INPP4B: variants seen among roughly 807,000 people sequenced by gnomAD.
INPP4B encodes inositol polyphosphate 4-phosphatase type II.
A neutral mutation model predicts 122.5 loss-of-function variants in INPP4B; 55 were observed. The ratio of observed to expected loss-of-function variants is 0.45; its 90% CI spans 0.36 to 0.56. INPP4B has a LOEUF of 0.56. Ranked by LOEUF, INPP4B falls within the 20% of genes least tolerant of loss-of-function variation. The pLI is 0.00. For synonymous variants in INPP4B, 403 were observed against 388.7 expected (o/e 1.04, Z -0.43); for missense variants, 1,000 against 1,097.7 (o/e 0.91, Z 1.26).
chr4:142,614,215 C>A lies in INPP4B; in HGVS notation c.-191+111624G>T, dbSNP rs569521800. Reference sequence around the variant, plus strand: ...CCAACATGGGTGACAGAGCAAGACTCTGTCTCAAAACAAACAAACAAACAA... The same window carrying A: ...CCAACATGGGTGACAGAGCAAGACTATGTCTCAAAACAAACAAACAAACAA... On this transcript the variant is annotated intron_variant, in intron 2 of 25. Coordinates refer to ENST00000262992, the MANE Select transcript of INPP4B (RefSeq NM_001101669.3). Among the ~76,000 whole-genome samples the A allele has an allele frequency of 1.3e-4, 20 of 152,196 alleles. No individual in the cohort carries two copies. The South Asian group carries it at 3.9e-3, about 30-fold the overall frequency.
chr4:142,293,306 C>T (rs1020823895), intron 9 of INPP4B, among the ~76,000 whole-genome samples: 1 of 152,074 alleles, frequency 6.6e-6, no homozygotes, highest in Non-Finnish European at 1.5e-5. Flanking sequence ...TCCCAAAGTG[C>T]TTGGATTACA....
At chr4:142,230,513 C>T (rs1053877530) in intron 12 of INPP4B, among the ~76,000 whole-genome samples, 23 of 151,676 alleles carry the variant, frequency 1.5e-4, no homozygotes, top group Middle Eastern at 3.2e-3. Flanking sequence ...CACGTGGTGG[C>T]GCTTGCCTGT....
chr4:142,211,410 A>G lies in INPP4B; in HGVS notation c.837-2384T>C, dbSNP rs1844828099. Among the ~76,000 whole-genome samples, 6 of 152,290 alleles carry G rather than the reference A, an allele frequency of 3.9e-5. No individual in the cohort carries two copies. In the South Asian group the frequency reaches 8.3e-4, roughly 21 times the overall value. ...ATTCATAATGACATTTTCATTTGTC[A>G]CTCAATGGTCAAAAAACCTCCTAGA... On this transcript the variant is annotated intron_variant, in intron 12 of 25. Transcript: ENST00000262992.
intron 2 of INPP4B, among the ~76,000 whole-genome samples, chr4:142,548,677 A>G (rs989377045): frequency 1.3e-5 from 2 of 152,100 alleles, no homozygotes; most frequent in African/African-American, 4.8e-5. Flanking sequence ...GTGAGTCATT[A>G]AAGATGACAT....
At chr4:142,460,297 T>A (rs1405728463) in intron 3 of INPP4B, among the ~76,000 whole-genome samples, 1 of 152,204 alleles carries the variant, frequency 6.6e-6, no homozygotes, top group African/African-American at 2.4e-5. Flanking sequence ...ATTGCTTTTA[T>A]TCTGAGAAAA....
intron 1 of INPP4B, among the ~76,000 whole-genome samples, chr4:142,761,201 T>C (rs1771293727): frequency 6.6e-6 from 1 of 151,120 alleles, no homozygotes; most frequent in African/African-American, 2.4e-5. Flanking sequence ...TGCTAAAAAA[T>C]ATCCACACCT....
chr4:142,312,153 G>A (rs891558381), intron 8 of INPP4B, among the ~76,000 whole-genome samples: 4 of 152,152 alleles, frequency 2.6e-5, no homozygotes, highest in Non-Finnish European at 5.9e-5. Context: ...AAGACGCAAT[G>A]TAATAAATGT....
At chr4:142,811,927 T>C (rs190787370) in intron 1 of INPP4B, among the ~76,000 whole-genome samples, 1 of 152,274 alleles carries the variant, frequency 6.6e-6, no homozygotes, top group East Asian at 1.9e-4. Context: ...AATAAATATA[T>C]ACTCAACTAC....
At chr4:142,723,736 C>T (rs982474306) in intron 2 of INPP4B, among the ~76,000 whole-genome samples, 1 of 152,024 alleles carries the variant, frequency 6.6e-6, no homozygotes, top group African/African-American at 2.4e-5. Flanking sequence ...AAAATAACAC[C>T]TTCACTAGTA....
chr4:142,625,486 C>T (rs1046496428), intron 2 of INPP4B, among the ~76,000 whole-genome samples: 3 of 152,134 alleles, frequency 2.0e-5, no homozygotes, highest in East Asian at 1.9e-4. Context: ...TAAAAGAGGA[C>T]ACAAACAAAT....
intron 25 of INPP4B, among the ~76,000 whole-genome samples, chr4:142,039,169 T>C (rs1437553716): frequency 1.3e-5 from 2 of 152,160 alleles, no homozygotes; most frequent in African/African-American, 4.8e-5. Flanking sequence ...ACTCCAGAGA[T>C]GCATATTTTT....
intron 2 of INPP4B, among the ~76,000 whole-genome samples, chr4:142,673,416 CAAA>C (rs35627855): frequency 7.7e-6 from 1 of 130,064 alleles, no homozygotes. Flanking sequence ...AACCAGGAGA[CAAA>C]AAAAAAAAAA....
rs1325254596 is a variant in INPP4B at position 142,202,834 on chromosome 4, G to A, written c.1072+5591C>T. The A allele has an allele frequency of 5.4e-6, 5 of 927,810 alleles. No individual in the cohort carries two copies. The African/African-American group carries it at 8.9e-5, about 17-fold the overall frequency. The allele number at this position is 927,810 out of a possible 1,614,324, so 57.5% of individuals were successfully genotyped here. The stretch of plus-strand genomic sequence containing the variant: ...TGCTTGACAGGTGTGTTTCACTCAT[G>A]CAAACTAAGGGCAAGCCCATTCATT... On this transcript the variant is annotated intron_variant, in intron 14 of 25. Transcript: ENST00000262992.
At chr4:142,360,720 A>C (rs1497397) in intron 7 of INPP4B, among the ~76,000 whole-genome samples, 46,010 of 151,778 alleles carry the variant, frequency 0.3, 8,445 homozygotes, top group South Asian at 0.45. Context: ...ATAATAGTCA[A>C]GATGATGGTT....
At chr4:142,207,045 T>G (rs907530652) in intron 14 of INPP4B, among the ~76,000 whole-genome samples, 1 of 152,166 alleles carries the variant, frequency 6.6e-6, no homozygotes, top group Non-Finnish European at 1.5e-5. Context: ...AGTAATATTA[T>G]GTAGTATTTG....
rs115623258 is a variant in INPP4B at position 142,357,180 on chromosome 4, C to T, written c.373-42418G>A. ...CTGTGAACCACTTTAGGAAATTATCCAACACTAGAAGGGGATGGCGGGAAT... is the reference window on the plus strand; with the variant it reads ...CTGTGAACCACTTTAGGAAATTATCTAACACTAGAAGGGGATGGCGGGAAT... On this transcript the variant is annotated intron_variant, in intron 7 of 25. Coordinates refer to ENST00000262992, the MANE Select transcript of INPP4B (RefSeq NM_001101669.3). Among the ~76,000 whole-genome samples the T allele has an allele frequency of 9.8e-3, 1,491 of 151,980 alleles. 22 individuals are homozygous for T. The highest frequency in any genetic ancestry group is 0.034 in the African/African-American group (1,431 of 41,500).
At chr4:142,803,383 A>G (rs1276120777) in intron 1 of INPP4B, among the ~76,000 whole-genome samples, 1 of 151,836 alleles carries the variant, frequency 6.6e-6, no homozygotes, top group African/African-American at 2.4e-5. Flanking sequence ...TTTTTTATTG[A>G]CATGAAAAGT....
intron 14 of INPP4B, among the ~76,000 whole-genome samples, chr4:142,201,832 T>C (rs1274239702): frequency 6.6e-6 from 1 of 152,076 alleles, no homozygotes; most frequent in African/African-American, 2.4e-5. Flanking sequence ...AAAAATATTT[T>C]TATTGTACCC....
At chr4:142,306,033 T>A in intron 8 of INPP4B, 1 of 580,958 alleles carries the variant, frequency 1.7e-6, no homozygotes, top group Non-Finnish European at 2.2e-6. Context: ...ATCACAGCAA[T>A]GTTTAAAAGC....
Sources: gnomAD v4.1 joint callset for allele counts (sites outside exome capture counted in the v4.1 genomes callset) on GRCh38, gnomAD v4.1.1 for gene constraint, MANE v1.5 for transcripts, NCBI Gene and HGNC (gene_info 2026-07-23, HGNC 2026-07-21) for gene names.